Variants in ACOXL observed in about 807,000 individuals in gnomAD.
ACOXL encodes acyl-CoA oxidase like.
ACOXL carries 70 observed loss-of-function variants against 71.9 expected under a neutral mutation model. The observed-to-expected ratio is 0.97, with a 90% confidence interval of 0.80 to 1.19. ACOXL has a LOEUF of 1.19. Among genes scored for constraint, ACOXL ranks in the 50% most tolerant of loss-of-function variants. The pLI is 0.00. For synonymous variants in ACOXL, 253 were observed against 281.6 expected (o/e 0.90, Z 1.02); for missense variants, 703 against 736.3 (o/e 0.95, Z 0.52).
chr2:110,820,346 A>G (rs538170041), intron 9 of ACOXL, among the ~76,000 whole-genome samples: 3 of 152,218 alleles, frequency 2.0e-5, no homozygotes, highest in Non-Finnish European at 4.4e-5. Context: ...CACAGGTGGC[A>G]TGTAGGATGT....
intron 2 of ACOXL, among the ~76,000 whole-genome samples, chr2:110,776,439 A>G (rs1439920094): frequency 6.6e-6 from 1 of 152,170 alleles, no homozygotes; most frequent in East Asian, 1.9e-4. Context: ...TGTGTATGTT[A>G]ATTTTTTTAA....
intron 10 of ACOXL, among the ~76,000 whole-genome samples, chr2:110,855,040 CAT>C (rs1693069751): frequency 1.3e-5 from 2 of 152,192 alleles, no homozygotes; most frequent in East Asian, 1.9e-4. Flanking sequence ...TTTTAAATCA[CAT>C]GTCTTCTGTG....
chr2:110,933,271 G>T (rs1324447663), intron 11 of ACOXL, among the ~76,000 whole-genome samples: 1 of 152,008 alleles, frequency 6.6e-6, no homozygotes, highest in African/African-American at 2.4e-5. Flanking sequence ...CTCTGCTCTT[G>T]TGTTTCATTG....
chr2:110,973,300 C>G (rs1011929713), intron 12 of ACOXL, among the ~76,000 whole-genome samples: 1 of 152,178 alleles, frequency 6.6e-6, no homozygotes, highest in Non-Finnish European at 1.5e-5. Context: ...ACAGGCCAAC[C>G]TGCTACAGCC....
intron 12 of ACOXL, among the ~76,000 whole-genome samples, chr2:110,948,999 G>T (rs1023028790): frequency 2.2e-4 from 33 of 151,612 alleles, no homozygotes; most frequent in African/African-American, 8.0e-4. Flanking sequence ...GCTTGACTTA[G>T]ATCTGATGTG....
intron 15 of ACOXL, among the ~76,000 whole-genome samples, chr2:111,031,981 A>G (rs1487491554): frequency 6.6e-6 from 1 of 152,204 alleles, no homozygotes; most frequent in African/African-American, 2.4e-5. Flanking sequence ...CCTGACAATC[A>G]CACGAAGCAC....
At chr2:110,738,883 T>G (rs553277955) in intron 1 of ACOXL, among the ~76,000 whole-genome samples, 3 of 152,224 alleles carry the variant, frequency 2.0e-5, no homozygotes, top group South Asian at 4.1e-4. Context: ...TTTTCTCAAC[T>G]TTTATCTTCC....
At chr2:110,736,886 C>T (rs926850292) in intron 1 of ACOXL, among the ~76,000 whole-genome samples, 9 of 152,194 alleles carry the variant, frequency 5.9e-5, no homozygotes, top group Non-Finnish European at 1.2e-4. Flanking sequence ...TCCCAAAGTG[C>T]TGGGATTACA....
At chr2:111,072,224 T>C (rs1450997847) in intron 16 of ACOXL, among the ~76,000 whole-genome samples, 1 of 152,244 alleles carries the variant, frequency 6.6e-6, no homozygotes, top group Non-Finnish European at 1.5e-5. Context: ...CTTTATGCTA[T>C]GGCTCCATAA....
At chr2:111,090,546 G>A (rs563245347) in intron 16 of ACOXL, among the ~76,000 whole-genome samples, 8 of 152,138 alleles carry the variant, frequency 5.3e-5, no homozygotes, top group South Asian at 2.1e-4. Flanking sequence ...AGCCAAAAAC[G>A]TGGCCCTGAG....
chr2:110,990,833 A>G lies in ACOXL; in HGVS notation c.1169+3616A>G, dbSNP rs781721618. Among the ~76,000 whole-genome samples, 46 of 152,280 alleles carry G rather than the reference A, an allele frequency of 3.0e-4. No individual in the cohort carries two copies. In the Middle Eastern group the frequency reaches 0.01, roughly 34 times the overall value. On this transcript the variant is annotated intron_variant, in intron 13 of 17. Coordinates refer to ENST00000439055, the MANE Select transcript of ACOXL (RefSeq NM_001142807.4). ...TCATCTAATGTTAAACTACCCTTGC[A>G]TGCTTAAGAAACACTCAATTTTGTT...
chr2:111,053,175 C>T (rs377340829), intron 16 of ACOXL, among the ~76,000 whole-genome samples: 3 of 152,210 alleles, frequency 2.0e-5, no homozygotes, highest in South Asian at 2.1e-4. Context: ...TGAAAATTAT[C>T]GACAAGGCTG....
At chr2:110,982,745 C>A (rs1017028303) in intron 12 of ACOXL, among the ~76,000 whole-genome samples, 4 of 152,166 alleles carry the variant, frequency 2.6e-5, no homozygotes, top group African/African-American at 9.7e-5. Context: ...ATGACCCATG[C>A]AATATTTTGG....
intron 11 of ACOXL, 134 bp downstream of exon 11, chr2:110,909,039 C>A: frequency 1.5e-6 from 1 of 656,394 alleles, no homozygotes; most frequent in Non-Finnish European, 2.5e-6. Flanking sequence ...AAATCGGATG[C>A]CCAGGTTAAA....
At chr2:110,762,225 T>G (rs771985498) in intron 1 of ACOXL, among the ~76,000 whole-genome samples, 10 of 152,196 alleles carry the variant, frequency 6.6e-5, no homozygotes, top group African/African-American at 9.6e-5. Flanking sequence ...TTCAACTTGC[T>G]TATGTCACTA....
chr2:110,909,341 T>C (rs1329363306), intron 11 of ACOXL, among the ~76,000 whole-genome samples: 1 of 152,142 alleles, frequency 6.6e-6, no homozygotes, highest in Non-Finnish European at 1.5e-5. Context: ...GTGAGGAGCT[T>C]TGAATAAAAC....
At chr2:110,996,135 C>T (rs2063387453) in intron 14 of ACOXL, 131 bp downstream of exon 14, 1 of 708,802 alleles carries the variant, frequency 1.4e-6, no homozygotes, top group South Asian at 1.8e-5. Flanking sequence ...GGCTAGAGTT[C>T]CTACGGGCCA....
At chr2:110,925,853 C>CTTTTT (rs59794309) in intron 11 of ACOXL, among the ~76,000 whole-genome samples, 1 of 121,002 alleles carries the variant, frequency 8.3e-6, no homozygotes, top group East Asian at 2.5e-4. Context: ...TTACTTCTAG[C>CTTTTT]TTTTTTTTTT....
intron 10 of ACOXL, among the ~76,000 whole-genome samples, chr2:110,856,281 C>G (rs947986487): frequency 1.3e-5 from 2 of 152,186 alleles, no homozygotes; most frequent in African/African-American, 4.8e-5. Flanking sequence ...CCATCCTGCT[C>G]CATCCCATCC....
Sources: gnomAD v4.1 joint callset for allele counts (sites outside exome capture counted in the v4.1 genomes callset) on GRCh38, gnomAD v4.1.1 for gene constraint, MANE v1.5 for transcripts, NCBI Gene and HGNC (gene_info 2026-07-23, HGNC 2026-07-21) for gene names.